Variants in HDAC9 observed in about 807,000 individuals in gnomAD.
HDAC9 encodes MEF-2 interacting transcription repressor (MITR) protein.
Under a neutral mutation model 139.4 loss-of-function variants are expected in HDAC9, and 41 were observed. That is an observed-to-expected ratio of 0.29 (90% CI 0.23 to 0.38). The LOEUF (loss-of-function observed/expected upper bound fraction) is 0.38, where lower values mean the gene tolerates loss of function less well. Ranked by LOEUF, HDAC9 falls within the 10% of genes least tolerant of loss-of-function variation. HDAC9 has a pLI of 1.00. For missense variants in HDAC9, 1,147 were observed against 1,297.0 expected, an observed-to-expected ratio of 0.88 and a Z score of 1.78; for synonymous variants, 517 against 476.2, an observed-to-expected ratio of 1.09 and a Z score of -1.12.
chr7:18,319,349 A>G (rs1383386397), intron 1 of HDAC9, among the ~76,000 whole-genome samples: 1 of 152,220 alleles, frequency 6.6e-6, no homozygotes, highest in Non-Finnish European at 1.5e-5. Flanking sequence ...GCCAAAATGC[A>G]GTTTAAAATT....
rs955948093 is a variant in HDAC9, at chr7:18,667,670, C to G, written c.1731+1194C>G. Reference sequence around the variant, plus strand: ...GAAATGCCTTGTGGAAACAGGAAGTCCAAGTGATTCATGTACTGAGGAATG... The same window carrying G: ...GAAATGCCTTGTGGAAACAGGAAGTGCAAGTGATTCATGTACTGAGGAATG... On this transcript the variant is annotated intron_variant, in intron 12 of 25. Transcript: ENST00000686413. 159 of 985,070 alleles carry G rather than the reference C, an allele frequency of 1.6e-4. 1 individual carries two copies. The South Asian group carries it at 2.0e-3, about 12-fold the overall frequency. 61.0% of individuals were successfully genotyped at this position (985,070 alleles called of 1,614,324 possible). A position where few individuals can be genotyped will look rare whatever the true frequency, so the allele number is the denominator to read the frequency against.
intron 2 of HDAC9, among the ~76,000 whole-genome samples, chr7:18,180,994 A>G (rs569515395): frequency 2.4e-4 from 37 of 152,076 alleles, no homozygotes; most frequent in African/African-American, 8.4e-4. Flanking sequence ...GTGTGTGTCA[A>G]ATCTCCTCCT....
chr7:18,834,679 C>T (rs942847616), intron 19 of HDAC9, among the ~76,000 whole-genome samples: 1 of 152,100 alleles, frequency 6.6e-6, no homozygotes, highest in Non-Finnish European at 1.5e-5. Context: ...TCTGCTTTGG[C>T]CCAAATGATT....
intron 21 of HDAC9, among the ~76,000 whole-genome samples, chr7:18,846,864 G>A (rs1263759577): frequency 6.6e-6 from 1 of 152,130 alleles, no homozygotes; most frequent in Non-Finnish European, 1.5e-5. Context: ...TTAGGGTCAG[G>A]CCTGAGATGA....
chr7:18,793,007 C>G (rs1792464457), intron 16 of HDAC9, among the ~76,000 whole-genome samples: 1 of 152,126 alleles, frequency 6.6e-6, no homozygotes, highest in African/African-American at 2.4e-5. Context: ...TCTAGCAGGC[C>G]TGTAACTAAG....
chr7:18,887,439 C>T (rs779081575), intron 22 of HDAC9, among the ~76,000 whole-genome samples: 122 of 152,108 alleles, frequency 8.0e-4, no homozygotes, highest in Non-Finnish European at 1.7e-3. Flanking sequence ...TACCAACTAA[C>T]TTCTTTTTTT....
intron 1 of HDAC9, among the ~76,000 whole-genome samples, chr7:18,134,501 ACT>A (rs1785254142): frequency 1.3e-5 from 2 of 152,190 alleles, no homozygotes; most frequent in African/African-American, 4.8e-5. Context: ...CTCACGCATG[ACT>A]CTGTTTGAAG....
intron 2 of HDAC9, among the ~76,000 whole-genome samples, chr7:18,207,421 A>C (rs1297763416): frequency 5.3e-5 from 8 of 151,690 alleles, no homozygotes; most frequent in Non-Finnish European, 1.0e-4. Context: ...ATTTATTTTT[A>C]ATAAAGATAG....
intron 1 of HDAC9, among the ~76,000 whole-genome samples, chr7:18,407,728 C>T (rs1562959007): frequency 6.6e-6 from 1 of 152,136 alleles, no homozygotes; most frequent in Non-Finnish European, 1.5e-5. Flanking sequence ...ACTGGCAGAA[C>T]TGTTTTTCAT....
At chr7:18,243,565 C>T (rs964075470) in intron 2 of HDAC9, among the ~76,000 whole-genome samples, 18 of 152,274 alleles carry the variant, frequency 1.2e-4, no homozygotes, top group Admixed American at 1.0e-3. Context: ...GCTTGCTGAG[C>T]AGTCTCCATT....
At chr7:18,537,557 A>G (rs1811310469) in intron 2 of HDAC9, among the ~76,000 whole-genome samples, 1 of 152,174 alleles carries the variant, frequency 6.6e-6, no homozygotes. Flanking sequence ...TGTCAACAAC[A>G]GAATCAATGC....
At chr7:18,266,417 T>C (rs1796006363) in intron 2 of HDAC9, among the ~76,000 whole-genome samples, 1 of 60,372 alleles carries the variant, frequency 1.7e-5, no homozygotes, top group South Asian at 6.4e-4. Flanking sequence ...GTAAAAATGT[T>C]TTTTCTGTTT....
chr7:18,644,655 C>G lies in HDAC9; in HGVS notation c.913-16C>G, dbSNP rs369461169. The G allele has an allele frequency of 6.2e-7, 1 of 1,600,514 alleles. No individual in the cohort carries two copies. Among genetic ancestry groups the G allele is most frequent in the East Asian group, 2.3e-5 (1 of 44,190 alleles). Reference sequence around the variant, plus strand: ...TGATACTGTGGTATTTTGAGACTCTCCTCTTTTTTTAACAGCAAATGGTTT... The same window carrying G: ...TGATACTGTGGTATTTTGAGACTCTGCTCTTTTTTTAACAGCAAATGGTTT... On this transcript the variant is annotated splice_polypyrimidine_tract_variant and intron_variant, in intron 8 of 25. Coordinates refer to ENST00000686413, the MANE Select transcript of HDAC9 (RefSeq NM_178425.4).
chr7:18,901,873 C>G (rs1408365125), intron 22 of HDAC9, among the ~76,000 whole-genome samples: 1 of 152,048 alleles, frequency 6.6e-6, no homozygotes, highest in East Asian at 1.9e-4. Flanking sequence ...TTATTTGTCC[C>G]AAGAGTATGT....
At chr7:18,507,939 C>A (rs774382740) in intron 2 of HDAC9, among the ~76,000 whole-genome samples, 4 of 152,148 alleles carry the variant, frequency 2.6e-5, no homozygotes, top group African/African-American at 9.7e-5. Flanking sequence ...CATGTTGCAT[C>A]CTGACCACTC....
At chr7:18,810,194 G>C (rs911656493) in intron 17 of HDAC9, among the ~76,000 whole-genome samples, 3 of 151,794 alleles carry the variant, frequency 2.0e-5, no homozygotes, top group Non-Finnish European at 4.4e-5. Flanking sequence ...AGGAAATGGA[G>C]AGGTTATGGA....
At chr7:18,591,823 C>G (rs1321028102) in intron 5 of HDAC9, among the ~76,000 whole-genome samples, 181 bp downstream of exon 5, 1 of 151,976 alleles carries the variant, frequency 6.6e-6, no homozygotes, top group African/African-American at 2.4e-5. Flanking sequence ...TAGTGCATGC[C>G]CTCTAGGGTT....
chr7:18,087,339 G>A (rs1306753649), intron 1 of HDAC9: 1 of 152,136 alleles, frequency 6.6e-6, no homozygotes, highest in African/African-American at 2.4e-5. Flanking sequence ...CAGCATCTCA[G>A]TCCGGACTCT....
intron 2 of HDAC9, among the ~76,000 whole-genome samples, chr7:18,206,119 C>A (rs544953311): frequency 6.6e-6 from 1 of 152,050 alleles, no homozygotes; most frequent in African/African-American, 2.4e-5. Context: ...TTTATGAAAA[C>A]CTGATTGGAA....
Sources: allele counts gnomAD v4.1 joint callset (sites outside exome capture counted in the v4.1 genomes callset), GRCh38; gene constraint gnomAD v4.1.1; transcripts MANE v1.5; gene names NCBI Gene and HGNC (gene_info 2026-07-23, HGNC 2026-07-21).